The following STX18 variants were observed in gnomAD, a reference collection of about 807,000 sequenced individuals.
STX18 encodes syntaxin 18.
In STX18, 40 loss-of-function variants were observed where a neutral mutation model predicts 50.1. The ratio of observed to expected loss-of-function variants is 0.80; its 90% CI spans 0.62 to 1.04. STX18 has a LOEUF of 1.04. Ranked by LOEUF, STX18 falls within the 50% of genes least tolerant of loss-of-function variation. The pLI is 0.00. For missense variants in STX18, 410 were observed against 415.8 expected (o/e 0.99, Z 0.12); for synonymous variants, 158 against 151.8 (o/e 1.04, Z -0.30).
At chr4:4,503,277 ACC>A (rs1729541548) in intron 1 of STX18, among the ~76,000 whole-genome samples, 1 of 152,162 alleles carries the variant, frequency 6.6e-6, no homozygotes, top group Admixed American at 6.5e-5. Context: ...TTGATATTAA[ACC>A]TTGTCAGATT....
At chr4:4,495,081 T>C (rs1053963174) in intron 1 of STX18, among the ~76,000 whole-genome samples, 2 of 152,334 alleles carry the variant, frequency 1.3e-5, no homozygotes, top group Middle Eastern at 6.8e-3. Context: ...TCAGACTGCC[T>C]GGATCTAATG....
upstream of STX18, chr4:4,542,098 G>T: frequency 8.6e-7 from 1 of 1,160,844 alleles, no homozygotes; most frequent in Non-Finnish European, 1.1e-6. Context: ...GAGAAGAAAG[G>T]TTCCGGCCTG....
intron 1 of STX18, among the ~76,000 whole-genome samples, chr4:4,484,335 C>A (rs1437038924): frequency 1.3e-5 from 2 of 152,188 alleles, no homozygotes; most frequent in Non-Finnish European, 2.9e-5. Flanking sequence ...TTCCCTTGTT[C>A]CAGACTCTGG....
At chr4:4,467,125 T>C (rs1357643762) in intron 2 of STX18, among the ~76,000 whole-genome samples, 2 of 152,088 alleles carry the variant, frequency 1.3e-5, no homozygotes, top group Non-Finnish European at 2.9e-5. Flanking sequence ...ATAGCAGTAA[T>C]GTTATCTATA....
chr4:4,419,540 G>A lies in STX18; in HGVS notation c.*494C>T, dbSNP rs925550841. 1.3e-5 allele frequency: 2 copies of A among 153,166 alleles called. No individual in the cohort carries two copies. The highest frequency in any genetic ancestry group is 4.8e-5 in the African/African-American group (2 of 41,484). The allele number at this position is 153,166 out of a possible 1,614,324, so 9.5% of individuals were successfully genotyped here. A position where few individuals can be genotyped will look rare whatever the true frequency, so the allele number is the denominator to read the frequency against. ...TGTGAATTTTCTCTTCTATAATCCA[G>A]TAAGTCTGTGTATTCGTTGACTCAG... On this transcript the variant is annotated 3_prime_UTR_variant, in exon 11 of 11. Coordinates refer to ENST00000306200, the MANE Select transcript of STX18 (RefSeq NM_016930.4).
chr4:4,495,067 G>C (rs1388081582), intron 1 of STX18, among the ~76,000 whole-genome samples: 4 of 152,256 alleles, frequency 2.6e-5, no homozygotes, highest in African/African-American at 9.6e-5. Flanking sequence ...CATGGACTTT[G>C]GAATCAGACT....
chr4:4,422,734 C>T (rs1407241902), intron 9 of STX18, among the ~76,000 whole-genome samples: 1 of 152,170 alleles, frequency 6.6e-6, no homozygotes, highest in Non-Finnish European at 1.5e-5. Context: ...CCTATGAACC[C>T]GAACTTGCAA....
intron 1 of STX18, among the ~76,000 whole-genome samples, chr4:4,528,074 A>G (rs895937128): frequency 6.6e-6 from 1 of 151,972 alleles, no homozygotes; most frequent in African/African-American, 2.4e-5. Context: ...CACAGCGGAA[A>G]AATTCTAGAG....
Position 4,457,409 on chromosome 4 carries a change from A to C in STX18, c.430+14T>G, listed in dbSNP as rs1228175511. 6.2e-7 allele frequency: 1 copy of C among 1,610,134 alleles called. No homozygotes were observed. The highest frequency in any genetic ancestry group is 8.5e-7 in the Non-Finnish European group (1 of 1,177,208). On this transcript the variant is annotated intron_variant, in intron 4 of 10. Coordinates refer to ENST00000306200, the MANE Select transcript of STX18 (RefSeq NM_016930.4). ...TGAAATGTTACATTTGACCTTTAAAAGAAAATGAAATACTTTTCAAGTAAT... is the reference window on the plus strand; with the variant it reads ...TGAAATGTTACATTTGACCTTTAAACGAAAATGAAATACTTTTCAAGTAAT...
chr4:4,441,932 G>A (rs1054958208), intron 5 of STX18, among the ~76,000 whole-genome samples: 1 of 152,214 alleles, frequency 6.6e-6, no homozygotes, highest in Non-Finnish European at 1.5e-5. Flanking sequence ...GGTAAAAGAA[G>A]CAAGTATGGT....
chr4:4,523,106 A>T (rs1267169951), intron 1 of STX18, among the ~76,000 whole-genome samples: 1 of 152,214 alleles, frequency 6.6e-6, no homozygotes, highest in Non-Finnish European at 1.5e-5. Context: ...TTATCCACAG[A>T]TCAGTTGCAG....
intron 2 of STX18, among the ~76,000 whole-genome samples, chr4:4,468,347 G>A (rs1727727859): frequency 6.6e-6 from 1 of 152,162 alleles, no homozygotes; most frequent in African/African-American, 2.4e-5. Context: ...GGGCTAACTT[G>A]AAATAGACTG....
chr4:4,457,112 T>C, intron 5 of STX18, 79 bp downstream of exon 5: 1 of 1,319,736 alleles, frequency 7.6e-7, no homozygotes, highest in Non-Finnish European at 1.1e-6. Context: ...TTGCATAGGG[T>C]AAGTGCTCTA....
intron 1 of STX18, among the ~76,000 whole-genome samples, chr4:4,487,187 A>C (rs1728736321): frequency 6.6e-6 from 1 of 152,080 alleles, no homozygotes; most frequent in Non-Finnish European, 1.5e-5. Context: ...AAGAACTTTG[A>C]ACTTTCTAGC....
chr4:4,507,691 C>A (rs1462521421), intron 1 of STX18: 2 of 872,646 alleles, frequency 2.3e-6, no homozygotes, highest in East Asian at 4.8e-5. Flanking sequence ...CCCAGCAGAA[C>A]AACGTGGAAC....
chr4:4,495,563 C>CT (rs35298335), intron 1 of STX18, among the ~76,000 whole-genome samples: 8,461 of 129,804 alleles, frequency 0.065, 768 homozygotes, highest in African/African-American at 0.2. Flanking sequence ...TTTTTCTTTT[C>CT]TTTTTTTTTT....
At chr4:4,537,760 G>C (rs577009272) in intron 1 of STX18, among the ~76,000 whole-genome samples, 93 of 152,236 alleles carry the variant, frequency 6.1e-4, no homozygotes, top group African/African-American at 2.1e-3. Context: ...TTAGCCATAA[G>C]GTAACTGAAA....
At chr4:4,505,630 A>T (rs965524844) in intron 1 of STX18, among the ~76,000 whole-genome samples, 4 of 151,992 alleles carry the variant, frequency 2.6e-5, no homozygotes, top group Admixed American at 6.5e-5. Context: ...AAATAAAAAA[A>T]AAAAAAAAAT....
rs190432215 is a variant in STX18, at chr4:4,442,068, A to G, written c.498-3559T>C. 5.0e-4 allele frequency among the ~76,000 whole-genome samples: 76 copies of G among 152,334 alleles called. 1 individual carries two copies. The highest frequency in any genetic ancestry group is 1.4e-3 in the Admixed American group (22 of 15,306). On this transcript the variant is annotated intron_variant, in intron 5 of 10. Coordinates refer to ENST00000306200, the MANE Select transcript of STX18 (RefSeq NM_016930.4). ...GAGATTAGGAAGGGGAGGCAATAAT[A>G]GCCAAGATAACCCTAAAAAACCAAG... is the stretch of plus-strand genomic sequence containing the variant.
Sources: allele counts gnomAD v4.1 joint callset (sites outside exome capture counted in the v4.1 genomes callset), GRCh38; gene constraint gnomAD v4.1.1; transcripts MANE v1.5; gene names NCBI Gene and HGNC (gene_info 2026-07-23, HGNC 2026-07-21).